Variants in ABTB3 observed in about 807,000 individuals in gnomAD.
ABTB3 encodes ankyrin repeat and BTB domain containing 3.
the ABTB3 span, among the ~76,000 whole-genome samples, chr12:107,645,795 G>C: frequency 3.3e-5 from 5 of 152,300 alleles, no homozygotes; most frequent in South Asian, 1.0e-3. Flanking sequence ...GGAATCCCGA[G>C]GCCTGTAATT....
At chr12:107,610,483 A>ATTGC in the ABTB3 span, 3 of 1,035,250 alleles carry the variant, frequency 2.9e-6, no homozygotes, top group South Asian at 3.8e-5. Flanking sequence ...GACGGCTTAG[A>ATTGC]TTGCTTGCTT....
the ABTB3 span, among the ~76,000 whole-genome samples, chr12:107,508,453 T>TGTTTTTTTTG: frequency 7.3e-5 from 9 of 123,324 alleles, no homozygotes; most frequent in East Asian, 5.1e-4. Flanking sequence ...TTTTTTTTTT[T>TGTTTTTTTTG]TTTTTTTTTT....
At chr12:107,342,866 G>A in the ABTB3 span, among the ~76,000 whole-genome samples, 2 of 152,110 alleles carry the variant, frequency 1.3e-5, no homozygotes, top group African/African-American at 4.8e-5. Context: ...AACCCCCGTA[G>A]GCTTTGCTTG....
the ABTB3 span, among the ~76,000 whole-genome samples, chr12:107,619,147 C>T: frequency 6.6e-6 from 1 of 152,198 alleles, no homozygotes; most frequent in East Asian, 1.9e-4. Context: ...GACCTCTCTC[C>T]AGGGAAGGTG....
At chr12:107,582,054 C>G in the ABTB3 span, among the ~76,000 whole-genome samples, 1 of 152,286 alleles carries the variant, frequency 6.6e-6, no homozygotes. Context: ...AACTGCCTTT[C>G]CTCCACAGTT....
chr12:107,384,188 G>A, the ABTB3 span, among the ~76,000 whole-genome samples: 1 of 152,170 alleles, frequency 6.6e-6, no homozygotes, highest in Non-Finnish European at 1.5e-5. Flanking sequence ...ATGTATTGAT[G>A]TGTGTGATTC....
chr12:107,649,591 T>G, the ABTB3 span: 1 of 355,648 alleles, frequency 2.8e-6, no homozygotes, highest in Admixed American at 3.9e-5. Flanking sequence ...GGAATTTGAC[T>G]GAAAAGTCTG....
At chr12:107,551,384 A>G in the ABTB3 span, among the ~76,000 whole-genome samples, 222 of 152,336 alleles carry the variant, frequency 1.5e-3, no homozygotes, top group African/African-American at 4.9e-3. Flanking sequence ...CCAAAAAGCA[A>G]AGTTTTGAAA....
chr12:107,604,214 C>T, the ABTB3 span, among the ~76,000 whole-genome samples: 17 of 151,834 alleles, frequency 1.1e-4, no homozygotes, highest in East Asian at 7.8e-4. Context: ...TTTGGGAGGC[C>T]GAAGCAGGCA....
the ABTB3 span, among the ~76,000 whole-genome samples, chr12:107,557,042 T>C: frequency 1.3e-5 from 2 of 152,122 alleles, no homozygotes; most frequent in South Asian, 4.2e-4. Flanking sequence ...GATAATCAAA[T>C]CACTCCATCC....
At chr12:107,639,418 G>A in the ABTB3 span, among the ~76,000 whole-genome samples, 17 of 152,148 alleles carry the variant, frequency 1.1e-4, no homozygotes, top group Non-Finnish European at 2.1e-4. Context: ...CAGATTGAGG[G>A]GCCAAGAGTG....
At chr12:107,462,227 A>C in the ABTB3 span, among the ~76,000 whole-genome samples, 4 of 152,230 alleles carry the variant, frequency 2.6e-5, no homozygotes, top group African/African-American at 9.6e-5. Context: ...TGGCATTTTA[A>C]TATTAGTTTA....
At chr12:107,658,940 A>G in the ABTB3 span, 10 of 152,804 alleles carry the variant, frequency 6.5e-5, no homozygotes, top group Middle Eastern at 3.4e-3. Flanking sequence ...ATGAAAGTTT[A>G]TATCAACAGG....
At chr12:107,535,902 C>T in the ABTB3 span, among the ~76,000 whole-genome samples, 1 of 152,022 alleles carries the variant, frequency 6.6e-6, no homozygotes, top group South Asian at 2.1e-4. Flanking sequence ...GAAAAAAACA[C>T]CTTAAGGTTT....
At chr12:107,375,461 CATCATA>C in the ABTB3 span, among the ~76,000 whole-genome samples, 2 of 134,710 alleles carry the variant, frequency 1.5e-5, no homozygotes, top group African/African-American at 2.8e-5. Context: ...TCATCATCAT[CATCATA>C]AATAAAAATA....
chr12:107,547,126 C>T, the ABTB3 span, among the ~76,000 whole-genome samples: 1 of 149,004 alleles, frequency 6.7e-6, no homozygotes, highest in Non-Finnish European at 1.5e-5. Flanking sequence ...CCTGGGAGGT[C>T]GAGGCTGCAG....
the ABTB3 span, among the ~76,000 whole-genome samples, chr12:107,439,534 C>A: frequency 2.6e-5 from 4 of 152,254 alleles, no homozygotes; most frequent in Non-Finnish European, 5.9e-5. Context: ...AGGGCTGAGG[C>A]TCCACCTAAT....
chr12:107,450,901 A>G, the ABTB3 span, among the ~76,000 whole-genome samples: 142 of 150,472 alleles, frequency 9.4e-4, 1 homozygote, highest in Non-Finnish European at 2.4e-4. Flanking sequence ...GTTGATCTCT[A>G]AGAGCCTTTA....
chr12:107,569,467 T>C, the ABTB3 span, among the ~76,000 whole-genome samples: 1 of 152,246 alleles, frequency 6.6e-6, no homozygotes, highest in South Asian at 2.1e-4. Context: ...TTCAACCTCC[T>C]GTGGCATAAG....
Sources: gnomAD v4.1 joint callset for allele counts (sites outside exome capture counted in the v4.1 genomes callset) on GRCh38, gnomAD v4.1.1 for gene constraint, MANE v1.5 for transcripts, NCBI Gene and HGNC (gene_info 2026-07-23, HGNC 2026-07-21) for gene names.